Variants in ZNF141 observed in about 807,000 individuals in gnomAD.
ZNF141 encodes the protein zinc finger protein 141, also known as zinc finger protein 141 (clone pHZ-44).
In ZNF141, 7 loss-of-function variants were observed where a neutral mutation model predicts 11.3. The observed-to-expected ratio is 0.62, with a 90% confidence interval of 0.35 to 1.16. The LOEUF (loss-of-function observed/expected upper bound fraction) is 1.16. Among genes scored for constraint, ZNF141 ranks in the 50% most tolerant of loss-of-function variants. The probability of loss-of-function intolerance (pLI) is 0.02; values close to 1 mark genes in which losing one functional copy is unlikely to be tolerated. For synonymous variants in ZNF141, 183 were observed against 190.7 expected (o/e 0.96, Z 0.33); for missense variants, 535 against 554.0 (o/e 0.97, Z 0.34).
At chr4:347,696 C>T (rs566968744) in intron 3 of ZNF141, among the ~76,000 whole-genome samples, 1 of 151,482 alleles carries the variant, frequency 6.6e-6, no homozygotes, top group Admixed American at 6.6e-5. Context: ...ATTTGCATCT[C>T]ACCACCAGCA....
Position 384,408 on chromosome 4 carries a change from G to A in ZNF141, c.*10546G>A, listed in dbSNP as rs1243531422. 6.6e-6 allele frequency: 1 copy of A among 152,228 alleles called. No homozygotes were observed. Among genetic ancestry groups the A allele is most frequent in the Middle Eastern group, 3.4e-3 (1 of 294 alleles). 9.4% of individuals were successfully genotyped at this position (152,228 alleles called of 1,614,324 possible). ...GTCTTGGGAGATGAAAAACACCCAC[G>A]GGACCACACCTGCACCACCCATGTA... On this transcript the variant is annotated 3_prime_UTR_variant, in exon 4 of 4. Coordinates refer to ENST00000240499, the MANE Select transcript of ZNF141 (RefSeq NM_003441.4).
intron 3 of ZNF141, among the ~76,000 whole-genome samples, chr4:357,400 T>C (rs893168451): frequency 6.0e-5 from 9 of 149,574 alleles, no homozygotes; most frequent in Non-Finnish European, 1.0e-4. Flanking sequence ...GCCTGAGTGA[T>C]AGAGTGAGAC....
intron 3 of ZNF141, among the ~76,000 whole-genome samples, chr4:364,544 T>G (rs1307549363): frequency 6.6e-6 from 1 of 152,220 alleles, no homozygotes; most frequent in Non-Finnish European, 1.5e-5. Context: ...TATATCCCCT[T>G]TATCATTTCT....
At chr4:342,019 A>T (rs1349906927) in intron 1 of ZNF141, among the ~76,000 whole-genome samples, 1 of 152,108 alleles carries the variant, frequency 6.6e-6, no homozygotes, top group Non-Finnish European at 1.5e-5. Context: ...TGTACTTAAC[A>T]CTTTCTTTGG....
intron 1 of ZNF141, among the ~76,000 whole-genome samples, chr4:342,043 A>G (rs1301606481): frequency 6.6e-6 from 1 of 152,126 alleles, no homozygotes; most frequent in African/African-American, 2.4e-5. Flanking sequence ...TCTCCCATCT[A>G]TTTATATTTA....
Position 378,991 on chromosome 4 carries a change from C to G in ZNF141, c.*5129C>G, listed in dbSNP as rs530177237. On this transcript the variant is annotated 3_prime_UTR_variant, in exon 4 of 4. Transcript: ENST00000240499. ...TCCCAAGTAGCTGGGATTACAGGTG[C>G]CCACCACCACACCCAGCTAATTTTT... Among the ~76,000 whole-genome samples the G allele has an allele frequency of 1.4e-3, 218 of 151,320 alleles. No individual in the cohort carries two copies. The highest frequency in any genetic ancestry group is 2.6e-3 in the Non-Finnish European group (174 of 67,768).
chr4:369,296 T>G (rs1711908820), intron 3 of ZNF141, among the ~76,000 whole-genome samples: 1 of 152,144 alleles, frequency 6.6e-6, no homozygotes, highest in Admixed American at 6.5e-5. Flanking sequence ...TAAAGTATAT[T>G]TTATGAAATA....
intron 3 of ZNF141, among the ~76,000 whole-genome samples, chr4:369,225 A>G (rs1711905853): frequency 6.6e-6 from 1 of 152,162 alleles, no homozygotes; most frequent in Admixed American, 6.5e-5. Flanking sequence ...CATGGGTTCT[A>G]AGTAAATGAA....
chr4:371,946 A>G (rs1260379714), intron 3 of ZNF141, among the ~76,000 whole-genome samples: 2 of 152,204 alleles, frequency 1.3e-5, no homozygotes, highest in Non-Finnish European at 2.9e-5. Context: ...ATTTGTCACA[A>G]TCTTTACAAT....
rs181024347 is a variant in ZNF141 at position 370,264 on chromosome 4, A to G, written c.227-2400A>G. Among the ~76,000 whole-genome samples, 38 of 152,228 alleles carry G rather than the reference A, an allele frequency of 2.5e-4. No homozygotes were observed. The East Asian group carries it at 6.9e-3, about 28-fold the overall frequency. Reference sequence around the variant, plus strand: ...AAATTTTAGAGAAAAACTTTTTTGCACTATTATAATGATACAGAACTTTAT... The same window carrying G: ...AAATTTTAGAGAAAAACTTTTTTGCGCTATTATAATGATACAGAACTTTAT... On this transcript the variant is annotated intron_variant, in intron 3 of 3. Transcript: ENST00000240499.
chr4:339,440 A>G (rs559747105), intron 1 of ZNF141, among the ~76,000 whole-genome samples: 11 of 152,050 alleles, frequency 7.2e-5, no homozygotes, highest in Admixed American at 1.3e-4. Context: ...CTTCCCCACA[A>G]ATCCTCTTTC....
In ZNF141 at chr4:381,689, G is replaced by A. The variant is rs543036708; in HGVS notation, c.*7827G>A. 6.6e-6 allele frequency among the ~76,000 whole-genome samples: 1 copy of A among 151,722 alleles called. No homozygotes were observed. The highest frequency in any genetic ancestry group is 2.0e-4 in the East Asian group (1 of 5,098). On this transcript the variant is annotated 3_prime_UTR_variant, in exon 4 of 4. Coordinates refer to ENST00000240499, the MANE Select transcript of ZNF141 (RefSeq NM_003441.4). ...CTCCCAAAGTGCTGGGATTACAGGCGTGAGCCACCATGCCCTCAAATATGC... is the reference window on the plus strand; with the variant it reads ...CTCCCAAAGTGCTGGGATTACAGGCATGAGCCACCATGCCCTCAAATATGC...
At chr4:338,158 T>C in intron 1 of ZNF141, 172 bp downstream of exon 1, 1 of 770,308 alleles carries the variant, frequency 1.3e-6, no homozygotes, top group South Asian at 1.7e-5. Flanking sequence ...GCACAGCGGC[T>C]CTGGCCCAGC....
chr4:347,883 C>T (rs1439444866), intron 3 of ZNF141, among the ~76,000 whole-genome samples: 4 of 148,930 alleles, frequency 2.7e-5, no homozygotes, highest in South Asian at 2.1e-4. Flanking sequence ...GAATTTCTGT[C>T]GCCCGAGCTG....
In ZNF141 at chr4:383,023, T is replaced by C. The variant is rs550530755; in HGVS notation, c.*9161T>C. ...CAAACCTTGAACTTCTCTTGACTTA[T>C]CTGCACTGGCACAGGGTGCCAGTTT... On this transcript the variant is annotated 3_prime_UTR_variant, in exon 4 of 4. Coordinates refer to ENST00000240499, the MANE Select transcript of ZNF141 (RefSeq NM_003441.4). The C allele has an allele frequency of 3.9e-5, 22 of 570,202 alleles. No homozygotes were observed. Among genetic ancestry groups the C allele is most frequent in the East Asian group, 8.8e-5 (3 of 33,928 alleles). The allele number at this position is 570,202 out of a possible 1,614,324, so 35.3% of individuals were successfully genotyped here.
Position 382,291 on chromosome 4 carries a change from AGCT to A in ZNF141, c.*8433_*8435del, listed in dbSNP as rs1712661061. Among the ~76,000 whole-genome samples the A allele has an allele frequency of 6.6e-6, 1 of 152,072 alleles. No homozygotes were observed. Among genetic ancestry groups the A allele is most frequent in the South Asian group, 2.1e-4 (1 of 4,822 alleles). ...TGTGTGCTCTAGGCACTTGCCCTAT[AGCT>A]GCTCCTAAATGTGGGGTCTTAGAAA... On this transcript the variant is annotated 3_prime_UTR_variant, in exon 4 of 4. Transcript: ENST00000240499.
Position 381,946 on chromosome 4 carries a change from C to CTTTTTTTTTTTTTTTTTTTTT in ZNF141, c.*8103_*8104insTTTTTTTTTTTTTTTTTTTTT, listed in dbSNP as rs34905613. On this transcript the variant is annotated 3_prime_UTR_variant, in exon 4 of 4. Transcript: ENST00000240499. ...CTAGGGCCACCACCATCTCTGGGAA[C>CTTTTTTTTTTTTTTTTTTTTT]TTTTTTTTTTTTTTTTTTTGAGACG... Among the ~76,000 whole-genome samples, 556 of 105,876 alleles carry CTTTTTTTTTTTTTTTTTTTTT rather than the reference C, an allele frequency of 5.3e-3. 43 individuals carry two copies. The highest frequency in any genetic ancestry group is 0.01 in the African/African-American group (231 of 22,436). 69.5% of individuals were successfully genotyped at this position (105,876 alleles called of 152,430 possible).
intron 3 of ZNF141, among the ~76,000 whole-genome samples, chr4:369,755 TA>T (rs1560196765): frequency 7.4e-4 from 37 of 50,122 alleles, no homozygotes; most frequent in African/African-American, 2.0e-3. Context: ...TATATATATA[TA>T]TATATATATT....
intron 1 of ZNF141, among the ~76,000 whole-genome samples, chr4:341,235 T>C (rs1441994063): frequency 1.3e-5 from 2 of 152,036 alleles, no homozygotes; most frequent in African/African-American, 4.8e-5. Flanking sequence ...GGATTTTTTA[T>C]ATTTTGTAGT....
Sources: allele counts gnomAD v4.1 joint callset (sites outside exome capture counted in the v4.1 genomes callset), GRCh38; gene constraint gnomAD v4.1.1; transcripts MANE v1.5; gene names NCBI Gene and HGNC (gene_info 2026-07-23, HGNC 2026-07-21).